COG5: variants seen among roughly 807,000 people sequenced by gnomAD.
COG5 encodes conserved oligomeric Golgi complex subunit 5.
COG5 carries 86 observed loss-of-function variants against 110.4 expected under a neutral mutation model. That is an observed-to-expected ratio of 0.78 (90% CI 0.65 to 0.93). COG5 has a LOEUF of 0.93. COG5 is among the 40% of genes least tolerant of loss of function. COG5 has a pLI of 0.00. For synonymous variants in COG5, 360 were observed against 334.6 expected (o/e 1.08, Z -0.83); for missense variants, 1,077 against 987.0 (o/e 1.09, Z -1.22).
chr7:107,335,899 C>A (rs537063035), intron 10 of COG5, among the ~76,000 whole-genome samples: 3 of 151,938 alleles, frequency 2.0e-5, no homozygotes, highest in African/African-American at 7.2e-5. Context: ...AGAAAGGGGT[C>A]AATTTGGCAA....
rs1245913102 is a variant in COG5 at position 107,415,840 on chromosome 7, GTGTA to G, written c.539-3212_539-3209del. Among the ~76,000 whole-genome samples the G allele has an allele frequency of 6.7e-4, 53 of 78,654 alleles. 6 individuals carry two copies. Among genetic ancestry groups the G allele is most frequent in the Middle Eastern group, 6.8e-3 (1 of 148 alleles). 51.6% of individuals were successfully genotyped at this position (78,654 alleles called of 152,430 possible). On this transcript the variant is annotated intron_variant, in intron 6 of 21. Transcript: ENST00000297135. ...CACATACACGTATGTATGTATGTGT[GTGTA>G]TATATACACACACATACACGTATGT...
intron 1 of COG5, among the ~76,000 whole-genome samples, chr7:107,563,003 C>T (rs950888813): frequency 5.9e-5 from 9 of 152,088 alleles, no homozygotes; most frequent in African/African-American, 2.2e-4. Context: ...AGGTAGAATG[C>T]GATGGCCACT....
intron 5 of COG5, among the ~76,000 whole-genome samples, chr7:107,534,295 G>A (rs1181754983): frequency 6.6e-6 from 1 of 151,474 alleles, no homozygotes; most frequent in African/African-American, 2.4e-5. Context: ...CATAATGACA[G>A]GATAAAATTC....
intron 5 of COG5, among the ~76,000 whole-genome samples, chr7:107,542,259 T>C (rs759156517): frequency 1.3e-5 from 2 of 152,126 alleles, no homozygotes; most frequent in South Asian, 2.1e-4. Flanking sequence ...ACACACATAA[T>C]AGATGACTTA....
At chr7:107,390,347 G>T (rs1423060200) in intron 7 of COG5, among the ~76,000 whole-genome samples, 1 of 152,082 alleles carries the variant, frequency 6.6e-6, no homozygotes, top group African/African-American at 2.4e-5. Context: ...CTCTCTTACG[G>T]CAAGGTATAG....
intron 19 of COG5, among the ~76,000 whole-genome samples, chr7:107,222,205 CT>C (rs796500223): frequency 2.1e-3 from 304 of 145,328 alleles, no homozygotes; most frequent in Middle Eastern, 3.6e-3. Context: ...CTGTCCCCCC[CT>C]TTTTTTTTTT....
chr7:107,359,866 A>G (rs1682143212), intron 10 of COG5, among the ~76,000 whole-genome samples: 1 of 150,674 alleles, frequency 6.6e-6, no homozygotes, highest in Non-Finnish European at 1.5e-5. Flanking sequence ...GGACCTACCC[A>G]CTCCAGGTCT....
intron 10 of COG5, among the ~76,000 whole-genome samples, chr7:107,354,967 T>G (rs1812497915): frequency 6.6e-6 from 1 of 152,218 alleles, no homozygotes; most frequent in Non-Finnish European, 1.5e-5. Flanking sequence ...CCTTTAAGAT[T>G]TGGCTTTCCA....
chr7:107,550,447 C>T (rs188327868), intron 3 of COG5, among the ~76,000 whole-genome samples: 67 of 152,248 alleles, frequency 4.4e-4, no homozygotes, highest in African/African-American at 1.4e-3. Context: ...ATCCAAATTC[C>T]TTCCCAAGAA....
chr7:107,272,339 C>T (rs920728243), intron 14 of COG5, among the ~76,000 whole-genome samples: 2 of 152,192 alleles, frequency 1.3e-5, no homozygotes, highest in South Asian at 2.1e-4. Context: ...GCCCCCTCCC[C>T]GCTTTGAGTT....
chr7:107,467,882 T>C (rs1419537184), intron 6 of COG5, among the ~76,000 whole-genome samples: 1 of 152,126 alleles, frequency 6.6e-6, no homozygotes, highest in Non-Finnish European at 1.5e-5. Flanking sequence ...AAGTTACTCA[T>C]ACAGAAAATA....
At chr7:107,492,351 A>C (rs1434546841) in intron 6 of COG5, among the ~76,000 whole-genome samples, 1 of 152,142 alleles carries the variant, frequency 6.6e-6, no homozygotes, top group East Asian at 1.9e-4. Context: ...TGCTACCGTA[A>C]CAAATTACCA....
chr7:107,203,928 T>G (rs1187963542), intron 21 of COG5, among the ~76,000 whole-genome samples: 1 of 152,172 alleles, frequency 6.6e-6, no homozygotes, highest in African/African-American at 2.4e-5. Context: ...ATTTCCCTTT[T>G]CCCTGCTTCC....
At chr7:107,224,763 G>A (rs1293885190) in intron 19 of COG5, among the ~76,000 whole-genome samples, 1 of 152,208 alleles carries the variant, frequency 6.6e-6, no homozygotes. Flanking sequence ...ACAAAGACGG[G>A]GTCTCTATAG....
intron 6 of COG5, among the ~76,000 whole-genome samples, chr7:107,491,643 C>T (rs1322636240): frequency 6.6e-6 from 1 of 152,012 alleles, no homozygotes; most frequent in East Asian, 1.9e-4. Flanking sequence ...AAGATAAAAG[C>T]AAACTACCCT....
At chr7:107,266,695 T>A (rs545708720) in intron 14 of COG5, among the ~76,000 whole-genome samples, 98 of 152,276 alleles carry the variant, frequency 6.4e-4, no homozygotes, top group African/African-American at 2.3e-3. Flanking sequence ...TCTTCCCTCA[T>A]CTTGGTCTAA....
chr7:107,482,775 T>C (rs1797427927), intron 6 of COG5, among the ~76,000 whole-genome samples: 1 of 152,164 alleles, frequency 6.6e-6, no homozygotes, highest in Non-Finnish European at 1.5e-5. Context: ...GAAGATAAAA[T>C]GCTATCAAAC....
Position 107,372,776 on chromosome 7 carries a change from G to A in COG5, c.670-16C>T, listed in dbSNP as rs1189863857. On this transcript the variant is annotated splice_polypyrimidine_tract_variant and intron_variant, in intron 7 of 21. Transcript: ENST00000297135. Reference sequence around the variant, plus strand: ...GAGTTGGATTCTTAAAAAAAGGTGGGGTGGGGTGGAAACAGATATAAATAG... The same window carrying A: ...GAGTTGGATTCTTAAAAAAAGGTGGAGTGGGGTGGAAACAGATATAAATAG... 16 of 1,612,624 alleles carry A rather than the reference G, an allele frequency of 9.9e-6. No homozygotes were observed. In the African/African-American group the frequency reaches 1.5e-4, roughly 15 times the overall value.
In COG5 at chr7:107,283,345, T is replaced by A. The variant is rs564012575; in HGVS notation, c.1475+226A>T. Among the ~76,000 whole-genome samples, 4 of 152,300 alleles carry A rather than the reference T, an allele frequency of 2.6e-5. No individual in the cohort carries two copies. In the South Asian group the frequency reaches 8.3e-4, roughly 32 times the overall value. The stretch of plus-strand genomic sequence containing the variant: ...GCATCCTTGGCAAGATATAGAATAA[T>A]TATAATAGACTGTTTTTAGACTATA... On this transcript the variant is annotated intron_variant, in intron 13 of 21. Transcript: ENST00000297135.
Sources: gnomAD v4.1 joint callset for allele counts (sites outside exome capture counted in the v4.1 genomes callset) on GRCh38, gnomAD v4.1.1 for gene constraint, MANE v1.5 for transcripts, NCBI Gene and HGNC (gene_info 2026-07-23, HGNC 2026-07-21) for gene names.